ARHGEF10: variants seen among roughly 807,000 people sequenced by gnomAD.
The protein encoded by ARHGEF10 is Rho guanine nucleotide exchange factor (GEF) 10.
ARHGEF10 carries 140 observed loss-of-function variants against 147.4 expected under a neutral mutation model. The ratio of observed to expected loss-of-function variants is 0.95; its 90% CI spans 0.83 to 1.09. ARHGEF10 has a LOEUF of 1.09. Among genes scored for constraint, ARHGEF10 ranks in the 50% least tolerant of loss-of-function variants. The probability of loss-of-function intolerance (pLI) is 0.00; values close to 1 mark genes in which losing one functional copy is unlikely to be tolerated. For synonymous variants in ARHGEF10, 902 were observed against 695.8 expected (o/e 1.30, Z -4.67); for missense variants, 2,222 against 1,752.7 (o/e 1.27, Z -4.78).
chr8:1,932,405 C>T (rs910892041), intron 25 of ARHGEF10, among the ~76,000 whole-genome samples: 1 of 152,066 alleles, frequency 6.6e-6, no homozygotes, highest in Admixed American at 6.6e-5. Context: ...TCCCTGTGTG[C>T]ATGTGACGGC....
rs1245285300 is a variant in ARHGEF10 at position 1,958,036 on chromosome 8, C to T, written c.*773C>T. ...CAACACCAAATTATTCCTCCCTTCT[C>T]GTATAAATAGAGTGACTATCCACAG... On this transcript the variant is annotated 3_prime_UTR_variant, in exon 29 of 29. Coordinates refer to ENST00000349830, the MANE Select transcript of ARHGEF10 (RefSeq NM_014629.4). 2.0e-5 allele frequency: 3 copies of T among 152,250 alleles called. No homozygotes were observed. Among genetic ancestry groups the T allele is most frequent in the African/African-American group, 4.8e-5 (2 of 41,452 alleles). The allele number at this position is 152,250 out of a possible 1,614,324, so 9.4% of individuals were successfully genotyped here. A position where few individuals can be genotyped will look rare whatever the true frequency, so the allele number is the denominator to read the frequency against.
intron 14 of ARHGEF10, among the ~76,000 whole-genome samples, chr8:1,897,764 G>A (rs1363757054): frequency 6.6e-6 from 1 of 152,182 alleles, no homozygotes; most frequent in African/African-American, 2.4e-5. Flanking sequence ...CTCCCATTAA[G>A]GATGCCAGCC....
intron 21 of ARHGEF10, among the ~76,000 whole-genome samples, chr8:1,924,961 G>C (rs947839197): frequency 1.3e-5 from 2 of 152,200 alleles, no homozygotes; most frequent in Non-Finnish European, 2.9e-5. Flanking sequence ...GGAAAAACTG[G>C]AGAAAGATAA....
rs573337230 is a variant in ARHGEF10, at chr8:1,933,836, A to C, written c.3116A>C (p.Lys1039Thr). 4 of 1,614,230 alleles carry C rather than the reference A, an allele frequency of 2.5e-6. No individual in the cohort carries two copies. Among genetic ancestry groups the C allele is most frequent in the South Asian group, 2.2e-5 (2 of 91,084 alleles). The change falls in exon 26 of 29, where the codon AAG becomes ACG. Residue 1039 changes from lysine to threonine, a missense_variant. Coordinates refer to ENST00000349830, the MANE Select transcript of ARHGEF10 (RefSeq NM_014629.4). The part of the protein sequence containing the change: ...SWDSEPQKVI[K>T]LGVLPVRSLL... Reference sequence around the variant, plus strand: ...GATTCAGAACCTCAAAAAGTGATCAAGTTAGGCGTCCTACCAGTTAGAAGT... The same window carrying C: ...GATTCAGAACCTCAAAAAGTGATCACGTTAGGCGTCCTACCAGTTAGAAGT...
chr8:1,921,404 C>T (rs1038787922), intron 18 of ARHGEF10, among the ~76,000 whole-genome samples: 1 of 152,160 alleles, frequency 6.6e-6, no homozygotes, highest in African/African-American at 2.4e-5. Context: ...AAGGAAAATG[C>T]AGAGTCCTTT....
rs1226723437 is a variant in ARHGEF10 at position 1,929,354 on chromosome 8, A to G, written c.2990A>G (p.Lys997Arg). 1.2e-6 allele frequency: 2 copies of G among 1,614,000 alleles called. No homozygotes were observed. The highest frequency in any genetic ancestry group is 1.1e-5 in the South Asian group (1 of 91,068). ...VRLQHFFTPE[K>R]STVMSLACTS... ...CTTCAGCACTTTTTCACTCCTGAGA[A>G]GTCCACAGTCATGAGCCTGGCTTGC... is the stretch of plus-strand genomic sequence containing the variant. Residue 997 changes from lysine to arginine, a missense_variant, in exon 25 of 29, where the codon AAG (lysine) becomes AGG (arginine). Coordinates refer to ENST00000349830, the MANE Select transcript of ARHGEF10 (RefSeq NM_014629.4).
intron 7 of ARHGEF10, among the ~76,000 whole-genome samples, chr8:1,872,718 T>G (rs935750393): frequency 2.0e-5 from 3 of 152,200 alleles, no homozygotes; most frequent in Non-Finnish European, 4.4e-5. Context: ...TTAGCTGAAT[T>G]AAGGACGTGT....
chr8:1,921,903 C>G (rs1201091639), intron 18 of ARHGEF10, among the ~76,000 whole-genome samples: 2 of 152,134 alleles, frequency 1.3e-5, no homozygotes, highest in Non-Finnish European at 2.9e-5. Flanking sequence ...TGAATTTCTT[C>G]TCCTTGGGTT....
At chr8:1,879,723 T>A (rs1808017020) in intron 8 of ARHGEF10, among the ~76,000 whole-genome samples, 1 of 152,020 alleles carries the variant, frequency 6.6e-6, no homozygotes, top group East Asian at 1.9e-4. Flanking sequence ...TGGCTAATTT[T>A]TGTAATTTTA....
intron 1 of ARHGEF10, among the ~76,000 whole-genome samples, chr8:1,828,880 A>T (rs1408232013): frequency 6.9e-6 from 1 of 145,862 alleles, no homozygotes; most frequent in African/African-American, 2.6e-5. Flanking sequence ...GTTTTATTCT[A>T]TCGTTTGCTT....
At chr8:1,909,010 C>T (rs1207503988) in intron 17 of ARHGEF10, among the ~76,000 whole-genome samples, 5 of 152,226 alleles carry the variant, frequency 3.3e-5, no homozygotes, top group Admixed American at 3.3e-4. Flanking sequence ...TCAGCAAGCA[C>T]CGAGCTGCTT....
chr8:1,957,311 T>TC lies in ARHGEF10; in HGVS notation c.*49dup, dbSNP rs1815665057. 2.5e-6 allele frequency: 4 copies of TC among 1,582,800 alleles called. No individual in the cohort carries two copies. In the Admixed American group the frequency reaches 5.3e-5, roughly 21 times the overall value. On this transcript the variant is annotated 3_prime_UTR_variant, in exon 29 of 29. Transcript: ENST00000349830. ...TCAGAATTTGCAATCAAGGGTGACT[T>TC]CTCAGCTAATCCTACAGCCTGAGTG...
chr8:1,903,823 G>A (rs1201436142), intron 16 of ARHGEF10: 1 of 325,122 alleles, frequency 3.1e-6, no homozygotes, highest in Non-Finnish European at 5.9e-6. Context: ...GCTAGGCACA[G>A]TGGCTCACAC....
At position 1,836,659 on chromosome 8, in the gene ARHGEF10, G is replaced by C. The variant is rs1248343161; in HGVS notation, c.-47-6694G>C. Among the ~76,000 whole-genome samples, 22 of 152,270 alleles carry C rather than the reference G, an allele frequency of 1.4e-4. No homozygotes were observed. The East Asian group carries it at 4.2e-3, about 29-fold the overall frequency. ...CGCATGCTGCCGTGGGCTGTGTAGG[G>C]AGCACAGGCAGCTCTGAGTCCAGAA... is the stretch of plus-strand genomic sequence containing the variant. On this transcript the variant is annotated intron_variant, in intron 1 of 28. Coordinates refer to ENST00000349830, the MANE Select transcript of ARHGEF10 (RefSeq NM_014629.4).
At chr8:1,949,866 C>G (rs1003034294) in intron 27 of ARHGEF10, among the ~76,000 whole-genome samples, 1 of 151,790 alleles carries the variant, frequency 6.6e-6, no homozygotes, top group Admixed American at 6.6e-5. Flanking sequence ...GAGCAGAGGG[C>G]GAATCCCCCT....
chr8:1,913,717 A>G (rs4876272), intron 18 of ARHGEF10, among the ~76,000 whole-genome samples: 39,064 of 152,158 alleles, frequency 0.26, 5,191 homozygotes, highest in East Asian at 0.39. Context: ...GCAAGAGGGG[A>G]AGTCCACTCA....
intron 8 of ARHGEF10, among the ~76,000 whole-genome samples, chr8:1,879,135 TC>T (rs549706874): frequency 1.5e-3 from 224 of 152,320 alleles, no homozygotes; most frequent in African/African-American, 5.2e-3. Context: ...GTTAAAAACT[TC>T]CTAAAGTGTC....
intron 15 of ARHGEF10, among the ~76,000 whole-genome samples, chr8:1,902,172 C>A (rs13258960): frequency 0.085 from 12,945 of 152,116 alleles, 629 homozygotes; most frequent in African/African-American, 0.12. Flanking sequence ...GCAACAGGCC[C>A]CGGTGTGTGA....
Position 1,869,305 on chromosome 8 carries a change from C to T in ARHGEF10, c.679+55C>T, listed in dbSNP as rs769589305. The T allele has an allele frequency of 2.7e-6, 4 of 1,479,836 alleles. No individual in the cohort carries two copies. In the Admixed American group the frequency reaches 6.7e-5, roughly 25 times the overall value. 91.7% of individuals were successfully genotyped at this position (1,479,836 alleles called of 1,614,324 possible). A position where few individuals can be genotyped will look rare whatever the true frequency, so the allele number is the denominator to read the frequency against. ...AGATTCAGCTCAGCAGCCTTTCCCT[C>T]TGGATGCCAAAGTGACTATTTAGTG... On this transcript the variant is annotated intron_variant, in intron 7 of 28. Coordinates refer to ENST00000349830, the MANE Select transcript of ARHGEF10 (RefSeq NM_014629.4).
Sources: gnomAD v4.1 joint callset for allele counts (sites outside exome capture counted in the v4.1 genomes callset) on GRCh38, gnomAD v4.1.1 for gene constraint, MANE v1.5 for transcripts, NCBI Gene and HGNC (gene_info 2026-07-23, HGNC 2026-07-21) for gene names.